Variants in EPHX2 observed in about 807,000 individuals in gnomAD.
EPHX2 encodes epoxide hydrolase 2, also known as bifunctional epoxide hydrolase 2.
Under a neutral mutation model 78.7 loss-of-function variants are expected in EPHX2, and 74 were observed. That is an observed-to-expected ratio of 0.94 (90% CI 0.78 to 1.14). The LOEUF (loss-of-function observed/expected upper bound fraction) is 1.14. Ranked by LOEUF, EPHX2 falls within the 50% of genes most tolerant of loss-of-function variation. The pLI is 0.00. For missense variants in EPHX2, 715 were observed against 702.5 expected, an observed-to-expected ratio of 1.02 and a Z score of -0.20; for synonymous variants, 251 against 255.2, an observed-to-expected ratio of 0.98 and a Z score of 0.16.
At chr8:27,527,046 A>G (rs1396373011) in intron 12 of EPHX2, among the ~76,000 whole-genome samples, 3 of 152,084 alleles carry the variant, frequency 2.0e-5, no homozygotes, top group Non-Finnish European at 2.9e-5. Flanking sequence ...GGTTCAAGCA[A>G]TTCTCCTGCC....
In EPHX2 at chr8:27,543,864, C is replaced by T. The variant is rs72478907; in HGVS notation, c.1530+35C>T. 1.3e-3 allele frequency: 2,138 copies of T among 1,610,024 alleles called. 23 individuals carry two copies. The highest frequency in any genetic ancestry group is 0.011 in the East Asian group (510 of 44,834). On this transcript the variant is annotated intron_variant, in intron 17 of 18. Coordinates refer to ENST00000521400, the MANE Select transcript of EPHX2 (RefSeq NM_001979.6). ...TGGCCCTGTACAAGGGTCATCAGTG[C>T]ACCCCGGGAGAGGGCACGGGTGCTC... is the stretch of plus-strand genomic sequence containing the variant.
intron 2 of EPHX2, 69 bp downstream of exon 2, chr8:27,501,079 C>A: frequency 1.4e-6 from 2 of 1,391,182 alleles, no homozygotes; most frequent in Middle Eastern, 1.9e-4. Flanking sequence ...TCTCCCCGAA[C>A]TTGGGGCCCA....
Position 27,541,314 on chromosome 8 carries a change from C to G in EPHX2, c.1380-159C>G, listed in dbSNP as rs1024768066. Among the ~76,000 whole-genome samples the G allele has an allele frequency of 2.0e-5, 3 of 152,336 alleles. 1 individual carries two copies. The South Asian group carries it at 6.2e-4, about 32-fold the overall frequency. On this transcript the variant is annotated intron_variant, in intron 15 of 18. Transcript: ENST00000521400. ...GCTGCTAGAGCTTGGCAACTGCGCC[C>G]GACAGCAAGGCGTGGGTCCTGGGCT...
chr8:27,537,546 A>G (rs1815252405), intron 13 of EPHX2, among the ~76,000 whole-genome samples: 1 of 152,152 alleles, frequency 6.6e-6, no homozygotes, highest in African/African-American at 2.4e-5. Flanking sequence ...GTCTTAGCCA[A>G]TTAATTGTCC....
chr8:27,533,403 G>C (rs1360895667), intron 12 of EPHX2, among the ~76,000 whole-genome samples: 2 of 152,152 alleles, frequency 1.3e-5, no homozygotes, highest in Admixed American at 1.3e-4. Context: ...ATTTGTCATT[G>C]GTCTGTAGGA....
intron 5 of EPHX2, among the ~76,000 whole-genome samples, chr8:27,509,669 G>A (rs1224745095): frequency 1.3e-5 from 2 of 152,078 alleles, no homozygotes; most frequent in Non-Finnish European, 2.9e-5. Flanking sequence ...GTGAGCCACC[G>A]TGCCTGGCCA....
chr8:27,506,456 T>C (rs1814009263), intron 4 of EPHX2, among the ~76,000 whole-genome samples: 1 of 152,248 alleles, frequency 6.6e-6, no homozygotes, highest in South Asian at 2.1e-4. Context: ...TAAATTCTTA[T>C]TTGTATTTGG....
chr8:27,546,176 G>A (rs1815573598), downstream of EPHX2, among the ~76,000 whole-genome samples: 1 of 151,378 alleles, frequency 6.6e-6, no homozygotes, highest in South Asian at 2.1e-4. Context: ...TCTGGAGCCA[G>A]ACCACCTAGG....
chr8:27,509,816 G>A (rs1185240362), intron 5 of EPHX2, among the ~76,000 whole-genome samples: 2 of 152,206 alleles, frequency 1.3e-5, no homozygotes, highest in South Asian at 2.1e-4. Flanking sequence ...GGCAGTGGGC[G>A]TCAGTCATGA....
At chr8:27,521,439 C>T (rs577510485) in intron 10 of EPHX2, among the ~76,000 whole-genome samples, 12 of 152,190 alleles carry the variant, frequency 7.9e-5, no homozygotes, top group African/African-American at 1.4e-4. Context: ...GCAGAATGGA[C>T]GGAGGGGTCA....
At chr8:27,542,763 T>C (rs929405038) in intron 16 of EPHX2, among the ~76,000 whole-genome samples, 8 of 152,070 alleles carry the variant, frequency 5.3e-5, no homozygotes, top group Non-Finnish European at 8.8e-5. Flanking sequence ...TGCCTCAGCC[T>C]CCCAAGCAGC....
At chr8:27,537,808 G>A (rs1477979880) in intron 13 of EPHX2, among the ~76,000 whole-genome samples, 1 of 151,808 alleles carries the variant, frequency 6.6e-6, no homozygotes, top group Non-Finnish European at 1.5e-5. Context: ...ATGTTTTTGG[G>A]GAGTCGTATT....
At chr8:27,515,511 T>C (rs760137726) in intron 6 of EPHX2, 1 of 562,604 alleles carries the variant, frequency 1.8e-6, no homozygotes, top group Non-Finnish European at 3.2e-6. Context: ...TAGGTTATGG[T>C]GAGAGCCACC....
intron 1 of EPHX2, among the ~76,000 whole-genome samples, chr8:27,493,580 G>T (rs1380711852): frequency 6.6e-6 from 1 of 152,164 alleles, no homozygotes; most frequent in Non-Finnish European, 1.5e-5. Context: ...ATAAGTAGGG[G>T]TATTAGTTGT....
At chr8:27,521,327 TCAG>T (rs1814640402) in intron 10 of EPHX2, among the ~76,000 whole-genome samples, 1 of 152,176 alleles carries the variant, frequency 6.6e-6, no homozygotes, top group South Asian at 2.1e-4. Flanking sequence ...TGAAAGCAAA[TCAG>T]CAGTGGTGAG....
At chr8:27,492,498 C>A (rs932795284) in intron 1 of EPHX2, among the ~76,000 whole-genome samples, 2 of 152,156 alleles carry the variant, frequency 1.3e-5, no homozygotes, top group Admixed American at 6.5e-5. Context: ...GTCTTGCTGA[C>A]TTCAAGAATG....
intron 4 of EPHX2, 122 bp from the exon 5 acceptor site, chr8:27,506,750 C>T: frequency 1.5e-6 from 2 of 1,364,018 alleles, no homozygotes; most frequent in South Asian, 2.8e-5. Flanking sequence ...TAAATGCTTT[C>T]CATTTTAGCA....
intron 12 of EPHX2, among the ~76,000 whole-genome samples, chr8:27,529,758 C>G (rs1198192430): frequency 1.3e-5 from 2 of 151,882 alleles, no homozygotes. Context: ...ACTAAAAATA[C>G]AAAAGAGCTG....
In EPHX2 at chr8:27,517,919, T is replaced by C. The variant is rs1187997247; in HGVS notation, c.911-119T>C. ...CTCAGTCTAAGGATTTAGTAAGTTTTTGTGGGTTTTTGTTGTTGTTGTTTG... is the reference window on the plus strand; with the variant it reads ...CTCAGTCTAAGGATTTAGTAAGTTTCTGTGGGTTTTTGTTGTTGTTGTTTG... On this transcript the variant is annotated intron_variant, in intron 8 of 18. Transcript: ENST00000521400. The C allele has an allele frequency of 5.3e-6, 4 of 751,890 alleles. No homozygotes were observed. In the East Asian group the frequency reaches 1.1e-4, roughly 21 times the overall value. The allele number at this position is 751,890 out of a possible 1,614,324, so 46.6% of individuals were successfully genotyped here. A position where few individuals can be genotyped will look rare whatever the true frequency, so the allele number is the denominator to read the frequency against.
Sources: gnomAD v4.1 joint callset for allele counts (sites outside exome capture counted in the v4.1 genomes callset) on GRCh38, gnomAD v4.1.1 for gene constraint, MANE v1.5 for transcripts, NCBI Gene and HGNC (gene_info 2026-07-23, HGNC 2026-07-21) for gene names.